GRID1: variants seen among roughly 807,000 people sequenced by gnomAD.
GRID1 encodes the protein glutamate ionotropic receptor delta type subunit 1, also known as glutamate receptor ionotropic, delta-1.
A neutral mutation model predicts 98.0 loss-of-function variants in GRID1; 28 were observed. That is an observed-to-expected ratio of 0.29 (90% confidence interval 0.21 to 0.39). The LOEUF (loss-of-function observed/expected upper bound fraction) is 0.39, where lower values mean the gene tolerates loss of function less well. Among genes scored for constraint, GRID1 ranks in the 10% least tolerant of loss-of-function variants. The pLI, the probability that GRID1 is intolerant of heterozygous loss-of-function variation, is 1.00. For missense variants in GRID1, 1,111 were observed against 1,340.5 expected (o/e 0.83, Z 2.67); for synonymous variants, 553 against 538.5 (o/e 1.03, Z -0.37).
At chr10:86,339,878 G>A (rs749131417) in intron 2 of GRID1, among the ~76,000 whole-genome samples, 1 of 152,194 alleles carries the variant, frequency 6.6e-6, no homozygotes, top group Non-Finnish European at 1.5e-5. Context: ...TGGGATAGAG[G>A]TGAACGAGCA....
At chr10:85,746,319 G>T (rs550146354) in intron 8 of GRID1, among the ~76,000 whole-genome samples, 41 of 152,176 alleles carry the variant, frequency 2.7e-4, no homozygotes. Flanking sequence ...ATTCGAGAGG[G>T]GTGTGAACCA....
chr10:85,930,174 C>T (rs903536486), intron 4 of GRID1, among the ~76,000 whole-genome samples: 1 of 150,022 alleles, frequency 6.7e-6, no homozygotes, highest in Non-Finnish European at 1.5e-5. Context: ...AAATAACTTG[C>T]GGTTATTTAT....
At chr10:85,717,080 A>G (rs1841648433) in intron 12 of GRID1, among the ~76,000 whole-genome samples, 1 of 152,238 alleles carries the variant, frequency 6.6e-6, no homozygotes, top group Non-Finnish European at 1.5e-5. Context: ...TGTGTTATAC[A>G]TTTGAGATTG....
intron 3 of GRID1, among the ~76,000 whole-genome samples, chr10:86,191,995 C>T (rs937429489): frequency 3.9e-5 from 6 of 152,170 alleles, no homozygotes; most frequent in South Asian, 4.2e-4. Context: ...CTGTGCACTG[C>T]GAGAAGGGAT....
intron 4 of GRID1, among the ~76,000 whole-genome samples, chr10:86,080,559 A>AATTC (rs1405626058): frequency 1.3e-5 from 2 of 151,748 alleles, no homozygotes; most frequent in Non-Finnish European, 2.9e-5. Flanking sequence ...GAGTAAGATG[A>AATTC]AGCCCAGGGT....
chr10:85,849,487 G>A (rs543558304), intron 8 of GRID1, among the ~76,000 whole-genome samples: 1 of 152,320 alleles, frequency 6.6e-6, no homozygotes, highest in Non-Finnish European at 1.5e-5. Context: ...GGGAGGCTGA[G>A]CCAAGGGCAG....
chr10:85,808,511 G>A (rs1842642233), intron 8 of GRID1, among the ~76,000 whole-genome samples: 1 of 152,196 alleles, frequency 6.6e-6, no homozygotes, highest in African/African-American at 2.4e-5. Flanking sequence ...ACATATTTCA[G>A]AGGTCACAAA....
chr10:85,694,584 A>G (rs1235381806), intron 12 of GRID1, among the ~76,000 whole-genome samples: 1 of 74,476 alleles, frequency 1.3e-5, no homozygotes, highest in Non-Finnish European at 2.5e-5. Flanking sequence ...ATATATATAT[A>G]TATATATATA....
chr10:86,353,835 T>G (rs886320151), intron 2 of GRID1, among the ~76,000 whole-genome samples: 1 of 152,124 alleles, frequency 6.6e-6, no homozygotes, highest in African/African-American at 2.4e-5. Context: ...GGACCAGCAT[T>G]GGATGTTACA....
intron 4 of GRID1, among the ~76,000 whole-genome samples, chr10:85,954,555 A>G (rs1274861607): frequency 6.6e-6 from 1 of 152,250 alleles, no homozygotes; most frequent in Non-Finnish European, 1.5e-5. Flanking sequence ...TCATTATAAA[A>G]GGGCCAAAGA....
chr10:86,277,880 G>A (rs952805063), intron 2 of GRID1, among the ~76,000 whole-genome samples: 12 of 151,908 alleles, frequency 7.9e-5, no homozygotes, highest in Non-Finnish European at 1.2e-4. Flanking sequence ...AAATGTAAAT[G>A]GGTTAAACTA....
chr10:85,752,171 C>G (rs17105825), intron 8 of GRID1, among the ~76,000 whole-genome samples: 2,480 of 152,262 alleles, frequency 0.016, 71 homozygotes, highest in African/African-American at 0.055. Flanking sequence ...CTCTCCGGCC[C>G]TTTATGAGTT....
chr10:85,903,035 C>G (rs568497084), intron 5 of GRID1, among the ~76,000 whole-genome samples: 2 of 152,234 alleles, frequency 1.3e-5, no homozygotes, highest in African/African-American at 4.8e-5. Context: ...GTAATGCAAC[C>G]CCTCTGTGGT....
At chr10:85,694,574 AT>A (rs1841370788) in intron 12 of GRID1, among the ~76,000 whole-genome samples, 1 of 90,358 alleles carries the variant, frequency 1.1e-5, no homozygotes, top group African/African-American at 7.8e-5. Flanking sequence ...ATATATATAT[AT>A]ATATATATAT....
At chr10:85,725,239 T>C (rs1841749403) in intron 10 of GRID1, among the ~76,000 whole-genome samples, 1 of 152,240 alleles carries the variant, frequency 6.6e-6, no homozygotes, top group Admixed American at 6.5e-5. Context: ...GAGTGTTTCA[T>C]ATGTAGACTT....
intron 5 of GRID1, among the ~76,000 whole-genome samples, chr10:85,874,464 T>C (rs1452421695): frequency 6.6e-6 from 1 of 152,238 alleles, no homozygotes; most frequent in Non-Finnish European, 1.5e-5. Flanking sequence ...CTTAATAAGG[T>C]TGAATATCTT....
At chr10:86,336,786 C>T (rs751784024) in intron 2 of GRID1, among the ~76,000 whole-genome samples, 14 of 152,294 alleles carry the variant, frequency 9.2e-5, no homozygotes, top group Admixed American at 1.3e-4. Flanking sequence ...ATGTAAGCGT[C>T]GCCCACTCAT....
At chr10:85,933,691 G>A (rs577303044) in intron 4 of GRID1, among the ~76,000 whole-genome samples, 7 of 152,246 alleles carry the variant, frequency 4.6e-5, no homozygotes, top group East Asian at 1.9e-4. Context: ...GCGCAGGCTC[G>A]ATTTATCACT....
At chr10:85,832,509 A>G (rs1842875989) in intron 8 of GRID1, among the ~76,000 whole-genome samples, 1 of 152,218 alleles carries the variant, frequency 6.6e-6, no homozygotes, top group Non-Finnish European at 1.5e-5. Context: ...AAATGGCTCA[A>G]CTTCCAAAAA....
Sources: allele counts gnomAD v4.1 joint callset (sites outside exome capture counted in the v4.1 genomes callset), GRCh38; gene constraint gnomAD v4.1.1; transcripts MANE v1.5; gene names NCBI Gene and HGNC (gene_info 2026-07-23, HGNC 2026-07-21).